The following RASAL2 variants were observed in gnomAD, a reference collection of about 807,000 sequenced individuals.
RASAL2 encodes ras GTPase-activating protein nGAP.
Under a neutral mutation model 128.9 loss-of-function variants are expected in RASAL2, and 58 were observed. The ratio of observed to expected loss-of-function variants is 0.45; its 90% CI spans 0.36 to 0.56. RASAL2 has a LOEUF of 0.56. Ranked by LOEUF, RASAL2 falls within the 20% of genes least tolerant of loss-of-function variation. The pLI is 0.00. For missense variants in RASAL2, 1,360 were observed against 1,601.6 expected (o/e 0.85, Z 2.57); for synonymous variants, 561 against 580.8 (o/e 0.97, Z 0.49).
chr1:178,449,272 C>T (rs1398410521), intron 9 of RASAL2, among the ~76,000 whole-genome samples: 1 of 152,106 alleles, frequency 6.6e-6, no homozygotes, highest in Non-Finnish European at 1.5e-5. Context: ...CCCATTTTAC[C>T]TTTCCAATTG....
intron 1 of RASAL2, among the ~76,000 whole-genome samples, chr1:178,248,458 C>T (rs1365367312): frequency 1.3e-5 from 2 of 152,156 alleles, no homozygotes; most frequent in Non-Finnish European, 2.9e-5. Context: ...TGAGATAGGT[C>T]TCCTGAATAC....
At chr1:178,439,842 C>A (rs1557990479) in intron 6 of RASAL2, among the ~76,000 whole-genome samples, 1 of 152,008 alleles carries the variant, frequency 6.6e-6, no homozygotes, top group African/African-American at 2.4e-5. Context: ...CATCAGGGGA[C>A]AAGACTAACA....
At chr1:178,212,674 T>A (rs1308150062) in intron 1 of RASAL2, among the ~76,000 whole-genome samples, 1 of 152,080 alleles carries the variant, frequency 6.6e-6, no homozygotes, top group Non-Finnish European at 1.5e-5. Flanking sequence ...GTATTTTTAG[T>A]AGAGATGGGG....
intron 1 of RASAL2, among the ~76,000 whole-genome samples, chr1:178,240,802 A>G (rs1262169609): frequency 6.6e-6 from 1 of 151,774 alleles, no homozygotes; most frequent in East Asian, 1.9e-4. Flanking sequence ...GCAAATCAAT[A>G]TCCTTCACTT....
chr1:178,273,852 G>A (rs186512027), intron 1 of RASAL2, among the ~76,000 whole-genome samples: 1 of 152,234 alleles, frequency 6.6e-6, no homozygotes, highest in Admixed American at 6.5e-5. Context: ...ACTCACTTGA[G>A]GTCAGTGGTT....
At chr1:178,265,710 G>A (rs141146475) in intron 1 of RASAL2, among the ~76,000 whole-genome samples, 1 of 152,246 alleles carries the variant, frequency 6.6e-6, no homozygotes, top group East Asian at 1.9e-4. Context: ...GCATATCTGT[G>A]TAATTTATAC....
intron 1 of RASAL2, among the ~76,000 whole-genome samples, chr1:178,264,000 C>T (rs1368710336): frequency 6.6e-6 from 1 of 152,196 alleles, no homozygotes; most frequent in African/African-American, 2.4e-5. Context: ...TTTAGGTACT[C>T]TTACTTTTCT....
chr1:178,125,032 T>C (rs1238666667), intron 1 of RASAL2, among the ~76,000 whole-genome samples: 1 of 152,174 alleles, frequency 6.6e-6, no homozygotes, highest in Admixed American at 6.5e-5. Context: ...CCTATCCTTT[T>C]TAGGTTCTTA....
At chr1:178,353,936 A>T (rs534104393) in intron 3 of RASAL2, among the ~76,000 whole-genome samples, 48 of 152,028 alleles carry the variant, frequency 3.2e-4, no homozygotes, top group Non-Finnish European at 6.9e-4. Context: ...GTGCCACTGC[A>T]CTCCAGCTTG....
intron 3 of RASAL2, among the ~76,000 whole-genome samples, chr1:178,321,988 CAA>C (rs780276705): frequency 3.8e-5 from 5 of 132,338 alleles, no homozygotes; most frequent in Non-Finnish European, 3.3e-5. Context: ...AACTCCATCT[CAA>C]AAAAAAAAAA....
chr1:178,124,926 CT>C (rs1475246752), intron 1 of RASAL2, among the ~76,000 whole-genome samples: 1 of 152,140 alleles, frequency 6.6e-6, no homozygotes, highest in Non-Finnish European at 1.5e-5. Context: ...TCTCCATAAG[CT>C]TTCTTTTCTA....
At position 178,300,075 on chromosome 1, in the gene RASAL2, G is replaced by A. The variant is rs773258876; in HGVS notation, c.414G>A (p.Glu138=). 8.1e-6 allele frequency: 13 copies of A among 1,613,804 alleles called. No individual in the cohort carries two copies. Among genetic ancestry groups the A allele is most frequent in the Non-Finnish European group, 1.1e-5 (13 of 1,179,928 alleles). The change falls in exon 3 of 18, where the codon GAG becomes GAA. Residue 138 remains glutamate (E), a synonymous_variant. Coordinates refer to ENST00000367649, the MANE Select transcript of RASAL2 (RefSeq NM_170692.4). ...CLRRTVSVPS[E]GQFPEYPPEG... ...GGAGAACTGTCAGTGTCCCTTCCGA[G>A]GGTCAGTTTCCCGAGTACCCACCAG...
At chr1:178,210,828 C>T (rs1333234597) in intron 1 of RASAL2, among the ~76,000 whole-genome samples, 1 of 152,200 alleles carries the variant, frequency 6.6e-6, no homozygotes, top group Non-Finnish European at 1.5e-5. Context: ...TTTGTTTGCT[C>T]TGTCCAAACA....
At chr1:178,307,565 A>T (rs1272773255) in intron 3 of RASAL2, among the ~76,000 whole-genome samples, 2 of 152,208 alleles carry the variant, frequency 1.3e-5, no homozygotes, top group Non-Finnish European at 2.9e-5. Context: ...GTCATTTTCA[A>T]TGTCAATGTA....
At chr1:178,101,491 T>C (rs968899526) in intron 1 of RASAL2, among the ~76,000 whole-genome samples, 3 of 152,202 alleles carry the variant, frequency 2.0e-5, no homozygotes, top group Admixed American at 6.5e-5. Context: ...AAGTACCCCT[T>C]ACCTCCATCC....
At chr1:178,301,847 T>C (rs947044105) in intron 3 of RASAL2, among the ~76,000 whole-genome samples, 4 of 152,336 alleles carry the variant, frequency 2.6e-5, no homozygotes, top group South Asian at 4.1e-4. Flanking sequence ...TGCAGTGTTA[T>C]AGAAGAGAGA....
At chr1:178,178,851 C>T (rs543693006) in intron 1 of RASAL2, among the ~76,000 whole-genome samples, 5 of 152,206 alleles carry the variant, frequency 3.3e-5, no homozygotes, top group African/African-American at 1.2e-4. Flanking sequence ...TCCTAAAGGA[C>T]CCGGCACCTC....
chr1:178,261,208 G>GA (rs1665678346), intron 1 of RASAL2, among the ~76,000 whole-genome samples: 1 of 152,068 alleles, frequency 6.6e-6, no homozygotes, highest in Admixed American at 6.6e-5. Flanking sequence ...CTCCTAAGTA[G>GA]AAAAATAAGA....
At chr1:178,341,213 C>T (rs910337615) in intron 3 of RASAL2, among the ~76,000 whole-genome samples, 2 of 152,114 alleles carry the variant, frequency 1.3e-5, no homozygotes, top group Non-Finnish European at 2.9e-5. Flanking sequence ...TCTTAAAGTG[C>T]ACAGATTCAC....
Sources: gnomAD v4.1 joint callset for allele counts (sites outside exome capture counted in the v4.1 genomes callset) on GRCh38, gnomAD v4.1.1 for gene constraint, MANE v1.5 for transcripts, NCBI Gene and HGNC (gene_info 2026-07-23, HGNC 2026-07-21) for gene names.